CPAMD8: variants seen among roughly 807,000 people sequenced by gnomAD.
CPAMD8 encodes the protein C3 and PZP-like alpha-2-macroglobulin domain-containing protein 8.
A neutral mutation model predicts 224.7 loss-of-function variants in CPAMD8; 146 were observed. That is an observed-to-expected ratio of 0.65 (90% CI 0.57 to 0.75). The LOEUF is 0.75. CPAMD8 is among the 30% of genes least tolerant of loss of function. CPAMD8 has a pLI of 0.00. For missense variants in CPAMD8, 2,301 were observed against 2,537.5 expected, an observed-to-expected ratio of 0.91 and a Z score of 2.00; for synonymous variants, 966 against 1,044.6, an observed-to-expected ratio of 0.92 and a Z score of 1.45.
chr19:17,019,975 T>C (rs2056911957), intron 3 of CPAMD8, among the ~76,000 whole-genome samples: 2 of 146,902 alleles, frequency 1.4e-5, no homozygotes, highest in South Asian at 4.4e-4. Flanking sequence ...TCTTTTCTTT[T>C]TTTTTTTTTT....
Position 16,908,223 on chromosome 19 carries a change from G to A in CPAMD8, c.3862-1106C>T, listed in dbSNP as rs181952402. Among the ~76,000 whole-genome samples the A allele has an allele frequency of 3.4e-4, 52 of 152,210 alleles. 1 individual carries two copies. The highest frequency in any genetic ancestry group is 2.4e-3 in the Admixed American group (37 of 15,282). ...AAAATACAAAAATTAGCCAGGCGTGGTGGTGGGCGCCTATAATCCAAGCTA... is the reference window on the plus strand; with the variant it reads ...AAAATACAAAAATTAGCCAGGCGTGATGGTGGGCGCCTATAATCCAAGCTA... On this transcript the variant is annotated intron_variant, in intron 29 of 41. Coordinates refer to ENST00000443236, the MANE Select transcript of CPAMD8 (RefSeq NM_015692.5).
At chr19:16,987,181 T>TAA in intron 13 of CPAMD8, among the ~76,000 whole-genome samples, 1 of 40,672 alleles carries the variant, frequency 2.5e-5, no homozygotes, top group Non-Finnish European at 4.2e-5. Flanking sequence ...AAAAAAAAAA[T>TAA]ATATATATAT....
chr19:16,901,106 A>G lies in CPAMD8; in HGVS notation c.4773+104T>C, dbSNP rs376077548. ...GAGGGAAGAAAAGAATACCCATAGC[A>G]TTTTACAAAGGTCTGGACTGCCAGC... On this transcript the variant is annotated intron_variant, in intron 36 of 41. Coordinates refer to ENST00000443236, the MANE Select transcript of CPAMD8 (RefSeq NM_015692.5). The G allele has an allele frequency of 8.2e-4, 545 of 663,774 alleles. 5 individuals carry two copies. In the African/African-American group the frequency reaches 8.9e-3, roughly 11 times the overall value. The allele number at this position is 663,774 out of a possible 1,614,324, so 41.1% of individuals were successfully genotyped here.
chr19:16,906,904 G>A, intron 30 of CPAMD8, 48 bp downstream of exon 30: 1 of 1,530,158 alleles, frequency 6.5e-7, no homozygotes, highest in Non-Finnish European at 8.9e-7. Context: ...AGACTCCACA[G>A]TGGGCTTCCC....
At chr19:16,905,856 A>G (rs528200343) in intron 30 of CPAMD8, among the ~76,000 whole-genome samples, 1 of 152,236 alleles carries the variant, frequency 6.6e-6, no homozygotes, top group Admixed American at 6.5e-5. Context: ...GCATTCTGAG[A>G]AAGTCAAAGC....
Position 17,008,441 on chromosome 19 carries a change from T to TATTCTGTTTTCCTGG in CPAMD8, c.559+49_559+63dup, listed in dbSNP as rs1333169238. On this transcript the variant is annotated intron_variant, in intron 7 of 41. Coordinates refer to ENST00000443236, the MANE Select transcript of CPAMD8 (RefSeq NM_015692.5). ...TTAGCGGTGGGCCCTGGACAGAGCA[T>TATTCTGTTTTCCTGG]ATTCTGTTTTCCTGGAAGGTTTATC... The TATTCTGTTTTCCTGG allele has an allele frequency of 3.8e-6, 6 of 1,582,384 alleles. No individual in the cohort carries two copies. The African/African-American group carries it at 6.8e-5, about 18-fold the overall frequency.
chr19:16,938,267 C>T (rs2053764360), intron 23 of CPAMD8, 128 bp downstream of exon 23: 4 of 550,886 alleles, frequency 7.3e-6, no homozygotes, highest in Non-Finnish European at 1.3e-5. Flanking sequence ...ACAGTGCCCC[C>T]TTCCCAGGGG....
chr19:16,902,215 T>C (rs566511980), intron 35 of CPAMD8, among the ~76,000 whole-genome samples: 1 of 151,786 alleles, frequency 6.6e-6, no homozygotes, highest in African/African-American at 2.4e-5. Context: ...TTTGCTTTTC[T>C]TTCATTCATT....
At chr19:16,999,205 T>C (rs1451841685) in intron 10 of CPAMD8, among the ~76,000 whole-genome samples, 1 of 151,880 alleles carries the variant, frequency 6.6e-6, no homozygotes, top group Non-Finnish European at 1.5e-5. Context: ...CAAAAGGACA[T>C]GAAGGATGTA....
rs1360422472 is a variant in CPAMD8 at position 16,893,438 on chromosome 19, CA to C, written c.5427-100del. Reference sequence around the variant, plus strand: ...ACAGGGCCTGTCGCTTGTAGGGTGCCAGGGGTGGGGAACCCACCGGCCAGGG... The same window carrying C: ...ACAGGGCCTGTCGCTTGTAGGGTGCCGGGGTGGGGAACCCACCGGCCAGGG... On this transcript the variant is annotated intron_variant, in intron 41 of 41. Coordinates refer to ENST00000443236, the MANE Select transcript of CPAMD8 (RefSeq NM_015692.5). 4.7e-6 allele frequency: 4 copies of C among 842,414 alleles called. No homozygotes were observed. The African/African-American group carries it at 6.8e-5, about 14-fold the overall frequency. 52.2% of individuals were successfully genotyped at this position (842,414 alleles called of 1,614,324 possible).
chr19:17,004,990 C>T (rs1483568280), intron 7 of CPAMD8, among the ~76,000 whole-genome samples: 1 of 147,802 alleles, frequency 6.8e-6, no homozygotes, highest in African/African-American at 2.5e-5. Context: ...GAGAAACAGA[C>T]AAGACAGACA....
chr19:17,012,647 T>C (rs1206458853), intron 3 of CPAMD8, among the ~76,000 whole-genome samples: 2 of 152,186 alleles, frequency 1.3e-5, no homozygotes, highest in Non-Finnish European at 2.9e-5. Flanking sequence ...CTGCCCCAGC[T>C]TTCAGCCATG....
At chr19:16,913,260 T>C (rs1176347021) in intron 29 of CPAMD8, among the ~76,000 whole-genome samples, 2 of 152,142 alleles carry the variant, frequency 1.3e-5, no homozygotes, top group Non-Finnish European at 2.9e-5. Context: ...ATACGTGTGA[T>C]CTTCCTCAGA....
chr19:16,947,712 A>G (rs1172297146), intron 20 of CPAMD8, among the ~76,000 whole-genome samples: 1 of 150 alleles, frequency 6.7e-3, no homozygotes, highest in African/African-American at 0.023. Flanking sequence ...CTGTGAATGC[A>G]TGTGTCCCCT....
In CPAMD8 at chr19:16,976,064, C is replaced by T. The variant is rs181346064; in HGVS notation, c.1846G>A (p.Val616Ile). Reference sequence around the variant, plus strand: ...TAGACACTCTTATCAACTGCGGCGACGCACACACAGCTGCCCCTTGCAGCC... The same window carrying T: ...TAGACACTCTTATCAACTGCGGCGATGCACACACAGCTGCCCCTTGCAGCC... ...IRAARGSCVC[V>I]AAVDKSVYLL... The change falls in exon 16 of 42, where the codon GTC becomes ATC. Residue 616 changes from valine (V) to isoleucine (I), a missense_variant. By Grantham distance (29) the Val-to-Ile change is conservative. Transcript: ENST00000443236. 213 of 1,612,040 alleles carry T rather than the reference C, an allele frequency of 1.3e-4. No individual in the cohort carries two copies. Among genetic ancestry groups the T allele is most frequent in the Admixed American group, 5.5e-4 (33 of 59,894 alleles).
At position 16,993,319 on chromosome 19, in the gene CPAMD8, C is replaced by T. The variant is rs375706952; in HGVS notation, c.1266+97G>A. 3,549 of 976,158 alleles carry T rather than the reference C, an allele frequency of 3.6e-3. 48 individuals are homozygous for T. Among genetic ancestry groups the T allele is most frequent in the South Asian group, 0.024 (1,521 of 64,000 alleles). 60.5% of individuals were successfully genotyped at this position (976,158 alleles called of 1,614,324 possible). A position where few individuals can be genotyped will look rare whatever the true frequency, so the allele number is the denominator to read the frequency against. ...TGTACTCCTGCAGGGCTGGGACGGGCTCCAGGCCCACTGATCAGGTGCCTG... is the reference window on the plus strand; with the variant it reads ...TGTACTCCTGCAGGGCTGGGACGGGTTCCAGGCCCACTGATCAGGTGCCTG... On this transcript the variant is annotated intron_variant, in intron 12 of 41. Transcript: ENST00000443236.
chr19:16,968,069 C>T (rs1364975706), intron 18 of CPAMD8, among the ~76,000 whole-genome samples: 1 of 151,974 alleles, frequency 6.6e-6, no homozygotes. Context: ...TTGAGTTTTA[C>T]AAAGCTGCTG....
In CPAMD8 at chr19:16,977,424, C is replaced by T. The variant is rs754433009; in HGVS notation, c.1702G>A (p.Gly568Arg). ...RLLVFYVREN[G>R]EGVADSLQFA... ...TGAAGGCTGTCGGCGACCCCTTCTC[C>T]ATTCTCCCTGACGTAGAAGACCAGC... is the stretch of plus-strand genomic sequence containing the variant. The change falls in exon 15 of 42, where the codon GGA becomes AGA. Residue 568 changes from glycine (G) to arginine (R), a missense_variant. Gly to Arg is a moderately radical substitution (Grantham distance 125). Transcript: ENST00000443236. 1.2e-5 allele frequency: 20 copies of T among 1,613,114 alleles called. No individual in the cohort carries two copies. Among genetic ancestry groups the T allele is most frequent in the Non-Finnish European group, 1.7e-5 (20 of 1,179,392 alleles).
chr19:16,957,598 T>A (rs549032539), intron 19 of CPAMD8: 32 of 462,520 alleles, frequency 6.9e-5, no homozygotes, highest in Non-Finnish European at 1.1e-4. Context: ...ACAGAGCAGA[T>A]AGAGTAACCC....
Sources: allele counts gnomAD v4.1 joint callset (sites outside exome capture counted in the v4.1 genomes callset), GRCh38; gene constraint gnomAD v4.1.1; transcripts MANE v1.5; gene names NCBI Gene and HGNC (gene_info 2026-07-23, HGNC 2026-07-21).